SHROOM3: variants seen among roughly 807,000 people sequenced by gnomAD.
SHROOM3 encodes protein Shroom3.
In SHROOM3, 47 loss-of-function variants were observed where a neutral mutation model predicts 138.6. The ratio of observed to expected loss-of-function variants is 0.34; its 90% confidence interval spans 0.27 to 0.43. The LOEUF (loss-of-function observed/expected upper bound fraction) is 0.43. Ranked by LOEUF, SHROOM3 falls within the 20% of genes least tolerant of loss-of-function variation. The pLI, the probability that SHROOM3 is intolerant of heterozygous loss-of-function variation, is 1.00. For synonymous variants in SHROOM3, 1,062 were observed against 1,063.3 expected, an observed-to-expected ratio of 1.00 and a Z score of 0.02; for missense variants, 2,491 against 2,596.5, an observed-to-expected ratio of 0.96 and a Z score of 0.88.
At position 76,755,037 on chromosome 4, in the gene SHROOM3, G is replaced by T. The variant is rs141992821; in HGVS notation, c.4554G>T (p.Thr1518=). ...VFVRDPHPKA[T]SSPTFEPLPP... ...TGAGGGATCCGCACCCCAAGGCCAC[G>T]TCCAGCCCCACATTTGAACCTCTTC... Residue 1518 remains threonine (T), a synonymous_variant, in exon 7 of 11, where the codon ACG becomes ACT. Transcript: ENST00000296043. 6.2e-7 allele frequency: 1 copy of T among 1,603,792 alleles called. No homozygotes were observed. The highest frequency in any genetic ancestry group is 8.5e-7 in the Non-Finnish European group (1 of 1,173,014).
At chr4:76,707,218 C>T (rs2110115988) in intron 2 of SHROOM3, among the ~76,000 whole-genome samples, 1 of 152,278 alleles carries the variant, frequency 6.6e-6, no homozygotes, top group Non-Finnish European at 1.5e-5. Flanking sequence ...ATTGTAACGC[C>T]TACAAAATCT....
chr4:76,752,332 T>C (rs1721651407), intron 6 of SHROOM3, among the ~76,000 whole-genome samples: 1 of 152,218 alleles, frequency 6.6e-6, no homozygotes, highest in Non-Finnish European at 1.5e-5. Flanking sequence ...AGTGGGTACA[T>C]AGTTTTAGGT....
At chr4:76,749,224 G>A (rs1299937966) in intron 6 of SHROOM3, 134 bp downstream of exon 6, 1 of 811,850 alleles carries the variant, frequency 1.2e-6, no homozygotes, top group Admixed American at 2.7e-5. Flanking sequence ...CTAGGCCATG[G>A]ATAACTTTTT....
intron 3 of SHROOM3, among the ~76,000 whole-genome samples, chr4:76,729,294 C>T (rs1323404123): frequency 2.0e-5 from 3 of 152,012 alleles, no homozygotes; most frequent in African/African-American, 2.4e-5. Context: ...ACATTCCAGC[C>T]TCTCTCCCTC....
intron 4 of SHROOM3, among the ~76,000 whole-genome samples, chr4:76,735,726 G>A (rs1453345635): frequency 6.7e-6 from 1 of 149,726 alleles, no homozygotes; most frequent in East Asian, 2.0e-4. Context: ...TGTAATCCCA[G>A]CTACTCGGGA....
chr4:76,676,944 CAAAAAAAAAAAA>C lies in SHROOM3; in HGVS notation c.324-33200_324-33189del, dbSNP rs58270392. On this transcript the variant is annotated intron_variant, in intron 2 of 10. Transcript: ENST00000296043. ...GGCGACAGAGCGAGACTCCGTCTCA[CAAAAAAAAAAAA>C]AAAAAAAAAAAGGAAAAGGAAAAAG... is the stretch of plus-strand genomic sequence containing the variant. Among the ~76,000 whole-genome samples the C allele has an allele frequency of 5.9e-4, 47 of 79,050 alleles. No homozygotes were observed. The Admixed American group carries it at 6.2e-3, about 10-fold the overall frequency. 51.9% of individuals were successfully genotyped at this position (79,050 alleles called of 152,430 possible).
intron 10 of SHROOM3, among the ~76,000 whole-genome samples, chr4:76,774,717 T>G (rs1722489842): frequency 2.8e-5 from 4 of 145,084 alleles, no homozygotes; most frequent in African/African-American, 1.0e-4. Flanking sequence ...GGGTTTTTTT[T>G]TTGTTTTTTT....
intron 3 of SHROOM3, among the ~76,000 whole-genome samples, chr4:76,722,837 T>G (rs1720589898): frequency 6.6e-6 from 1 of 152,166 alleles, no homozygotes. Context: ...AACTTTCTTA[T>G]GATGGACTTT....
intron 2 of SHROOM3, chr4:76,689,025 T>G: frequency 1.3e-6 from 1 of 758,658 alleles, no homozygotes; most frequent in Non-Finnish European, 1.6e-6. Context: ...ATTTGATCAA[T>G]TACTAACTGT....
intron 2 of SHROOM3, among the ~76,000 whole-genome samples, chr4:76,566,646 A>G (rs1263435127): frequency 2.0e-5 from 3 of 152,228 alleles, no homozygotes; most frequent in Non-Finnish European, 2.9e-5. Context: ...CAAGTGTCCC[A>G]TGAAGGTCCT....
intron 2 of SHROOM3, among the ~76,000 whole-genome samples, chr4:76,590,752 A>G (rs1315118039): frequency 6.6e-6 from 1 of 152,006 alleles, no homozygotes; most frequent in Non-Finnish European, 1.5e-5. Context: ...ATGGAGGTGA[A>G]AACAAGTTTC....
chr4:76,555,519 C>T, intron 1 of SHROOM3, 90 bp from the exon 2 acceptor site: 1 of 1,585,276 alleles, frequency 6.3e-7, no homozygotes, highest in Non-Finnish European at 8.6e-7. Context: ...TTGGGCTCTG[C>T]AGGAGTCTAA....
At chr4:76,778,015 C>T (rs1445356331) in intron 10 of SHROOM3, among the ~76,000 whole-genome samples, 1 of 152,080 alleles carries the variant, frequency 6.6e-6, no homozygotes, top group Non-Finnish European at 1.5e-5. Context: ...GGGAGAGGTT[C>T]TCAAACTTTA....
intron 1 of SHROOM3, among the ~76,000 whole-genome samples, chr4:76,443,830 C>A (rs541345701): frequency 2.6e-5 from 4 of 152,320 alleles, no homozygotes; most frequent in African/African-American, 9.6e-5. Flanking sequence ...GGCATCTGAA[C>A]CTGAATTTGC....
chr4:76,771,852 T>C (rs2109792971), intron 10 of SHROOM3, among the ~76,000 whole-genome samples: 1 of 152,326 alleles, frequency 6.6e-6, no homozygotes, highest in South Asian at 2.1e-4. Flanking sequence ...TCCACTCCTC[T>C]GTACGGCAAA....
At chr4:76,541,828 C>T (rs369351855) in intron 1 of SHROOM3, among the ~76,000 whole-genome samples, 3 of 152,134 alleles carry the variant, frequency 2.0e-5, no homozygotes, top group South Asian at 2.1e-4. Context: ...ACAAAAGACT[C>T]AATTTGGAGT....
At chr4:76,505,905 C>T (rs1732200153) in intron 1 of SHROOM3, among the ~76,000 whole-genome samples, 1 of 152,044 alleles carries the variant, frequency 6.6e-6, no homozygotes, top group Admixed American at 6.6e-5. Flanking sequence ...TCTGCCTCCT[C>T]CTCCCAAAGT....
intron 2 of SHROOM3, among the ~76,000 whole-genome samples, chr4:76,684,002 T>C (rs1719267423): frequency 6.6e-6 from 1 of 152,204 alleles, no homozygotes; most frequent in Non-Finnish European, 1.5e-5. Flanking sequence ...GTAACAAATA[T>C]TGTATGTACT....
chr4:76,649,440 G>T (rs950171577), intron 2 of SHROOM3, among the ~76,000 whole-genome samples: 1 of 152,188 alleles, frequency 6.6e-6, no homozygotes, highest in African/African-American at 2.4e-5. Context: ...GATTTTTAAT[G>T]AAAAGTGGGG....
Sources: allele counts gnomAD v4.1 joint callset (sites outside exome capture counted in the v4.1 genomes callset), GRCh38; gene constraint gnomAD v4.1.1; transcripts MANE v1.5; gene names NCBI Gene and HGNC (gene_info 2026-07-23, HGNC 2026-07-21).